Variants in URI1 observed in about 807,000 individuals in gnomAD.
URI1 encodes the protein URI1 prefoldin like chaperone, also known as unconventional prefoldin RPB5 interactor 1.
In URI1, 39 loss-of-function variants were observed where a neutral mutation model predicts 60.2. The observed-to-expected ratio is 0.65, with a 90% CI of 0.50 to 0.85. URI1 has a LOEUF of 0.85. Ranked by LOEUF, URI1 falls within the 40% of genes least tolerant of loss-of-function variation. The pLI, the probability that URI1 is intolerant of heterozygous loss-of-function variation, is 0.00. For missense variants in URI1, 691 were observed against 665.9 expected (o/e 1.04, Z -0.42); for synonymous variants, 251 against 236.8 (o/e 1.06, Z -0.55).
At chr19:29,949,057 CCCCCGCCTCCCGGACGGGGCTTCT>C (rs2055140865) in intron 1 of URI1, among the ~76,000 whole-genome samples, 1 of 143,980 alleles carries the variant, frequency 6.9e-6, no homozygotes, top group African/African-American at 2.6e-5. Context: ...CGGGGGCTGC[CCCCCGCCTCCCGGACGGGGCTTCT>C]GCCGGGCGGA....
intron 8 of URI1, among the ~76,000 whole-genome samples, chr19:30,010,021 A>G (rs930472417): frequency 6.6e-6 from 1 of 152,148 alleles, no homozygotes; most frequent in African/African-American, 2.4e-5. Flanking sequence ...AAGGAAGGAT[A>G]GGCTGCCTTA....
In URI1 at chr19:29,936,712, T is replaced by C. The variant is rs565037230; in HGVS notation, c.63+12958T>C. Among the ~76,000 whole-genome samples, 10 of 152,320 alleles carry C rather than the reference T, an allele frequency of 6.6e-5. No individual in the cohort carries two copies. In the South Asian group the frequency reaches 2.1e-3, roughly 32 times the overall value. On this transcript the variant is annotated intron_variant, in intron 1 of 10. Coordinates refer to the URI1 transcript ENST00000360605. ...CTTCTACTATGCATATGTTGATATA[T>C]GCTTGATGGCATCACATGGATCTAT...
Position 30,012,322 on chromosome 19 carries a change from C to T in URI1, c.1216C>T (p.Arg406Cys), listed in dbSNP as rs768120343. 3.1e-6 allele frequency: 5 copies of T among 1,614,078 alleles called. No individual in the cohort carries two copies. Among genetic ancestry groups the T allele is most frequent in the South Asian group, 1.1e-5 (1 of 91,080 alleles). Reference protein sequence around the residue: ...VDVVNGEYVPRKSILKSRSRE... With the variant: ...VDVVNGEYVPCKSILKSRSRE... ...TGTTGTGAATGGAGAATATGTCCCTCGCAAATCCATCCTGAAGTCTCGAAG... is the reference window on the plus strand; with the variant it reads ...TGTTGTGAATGGAGAATATGTCCCTTGCAAATCCATCCTGAAGTCTCGAAG... Residue 406 changes from arginine to cysteine, a missense_variant, in exon 10 of 11, where the codon CGC (arginine) becomes TGC (cysteine). Physicochemically the swap from Arg to Cys is radical, Grantham distance 180. Coordinates refer to ENST00000392271, the MANE Select transcript of URI1 (RefSeq NM_003796.3).
At chr19:29,928,060 A>C (rs1241309815) in intron 1 of URI1, among the ~76,000 whole-genome samples, 1 of 152,082 alleles carries the variant, frequency 6.6e-6, no homozygotes, top group Non-Finnish European at 1.5e-5. Flanking sequence ...AAGGCCACAT[A>C]CAGGTGATCT....
chr19:30,005,330 C>A, intron 4 of URI1, 31 bp from the exon 5 acceptor site: 1 of 1,306,978 alleles, frequency 7.7e-7, no homozygotes, highest in Non-Finnish European at 1.1e-6. Context: ...ATATGCCATG[C>A]TTTACATAAT....
chr19:29,948,878 C>T (rs1031426106), intron 1 of URI1, among the ~76,000 whole-genome samples: 10 of 152,286 alleles, frequency 6.6e-5, no homozygotes, highest in East Asian at 5.8e-4. Flanking sequence ...GGGGTGGCGG[C>T]CAGGCAGAGG....
At chr19:29,960,580 T>C (rs1395970383) in intron 1 of URI1, among the ~76,000 whole-genome samples, 2 of 152,168 alleles carry the variant, frequency 1.3e-5, no homozygotes. Flanking sequence ...TTAGTATTAG[T>C]ATGGTCACAC....
chr19:29,927,469 C>A (rs2054878454), intron 1 of URI1, among the ~76,000 whole-genome samples: 1 of 150,152 alleles, frequency 6.7e-6, no homozygotes, highest in South Asian at 2.1e-4. Flanking sequence ...ACCATATTGG[C>A]CAGGCTGGTT....
intron 1 of URI1, among the ~76,000 whole-genome samples, chr19:29,968,035 ACTC>A (rs1363372208): frequency 6.6e-6 from 1 of 151,968 alleles, no homozygotes; most frequent in Non-Finnish European, 1.5e-5. Context: ...GTTGGTAAAG[ACTC>A]CTAAATAGTG....
intron 1 of URI1, among the ~76,000 whole-genome samples, chr19:29,925,085 C>T (rs1345663963): frequency 6.6e-6 from 1 of 152,226 alleles, no homozygotes; most frequent in Non-Finnish European, 1.5e-5. Context: ...ATCCCCCTGC[C>T]TTGGCCTCCC....
intron 4 of URI1, among the ~76,000 whole-genome samples, chr19:30,001,685 A>G (rs960799430): frequency 6.6e-6 from 1 of 151,910 alleles, no homozygotes; most frequent in African/African-American, 2.4e-5. Flanking sequence ...GATATCCCAG[A>G]TCGACTTGTA....
intron 1 of URI1, among the ~76,000 whole-genome samples, chr19:29,962,901 T>C (rs1400562396): frequency 6.6e-6 from 1 of 152,172 alleles, no homozygotes; most frequent in African/African-American, 2.4e-5. Context: ...TTTCAGTTAT[T>C]TTTTCCAGCA....
rs2055982558 is a variant in URI1, at chr19:30,009,131, T to C, written c.813T>C (p.Asp271=). Residue 271 remains aspartate, a synonymous_variant, in exon 8 of 11, where the codon GAT becomes GAC. Coordinates refer to ENST00000392271, the MANE Select transcript of URI1 (RefSeq NM_003796.3). ...ACTCTCATACTCCTTGTCATAAGGATGTTGCAAGTTCAGAACCATTCAGTG... is the reference window on the plus strand; with the variant it reads ...ACTCTCATACTCCTTGTCATAAGGACGTTGCAAGTTCAGAACCATTCAGTG... ...VTDSHTPCHK[D]VASSEPFSGQ... 6.2e-7 allele frequency: 1 copy of C among 1,613,954 alleles called. No individual in the cohort carries two copies. Among genetic ancestry groups the C allele is most frequent in the Non-Finnish European group, 8.5e-7 (1 of 1,179,998 alleles).
At chr19:29,996,771 G>A (rs1335565388) in intron 4 of URI1, among the ~76,000 whole-genome samples, 1 of 151,716 alleles carries the variant, frequency 6.6e-6, no homozygotes. Flanking sequence ...TGTTATGGAA[G>A]TTCCCTTCTG....
intron 1 of URI1, among the ~76,000 whole-genome samples, chr19:29,954,024 G>T (rs910351337): frequency 6.6e-6 from 1 of 152,134 alleles, no homozygotes; most frequent in African/African-American, 2.4e-5. Flanking sequence ...CTGATACTTT[G>T]AATTCAAATC....
chr19:30,002,211 A>G (rs16963613), intron 4 of URI1, among the ~76,000 whole-genome samples: 2,637 of 152,122 alleles, frequency 0.017, 77 homozygotes, highest in African/African-American at 0.058. Context: ...AATAATTTTT[A>G]TTACATCTGC....
At chr19:29,971,159 T>G in intron 1 of URI1, 34 bp from the exon 2 acceptor site, 3 of 1,610,080 alleles carry the variant, frequency 1.9e-6, no homozygotes, top group Non-Finnish European at 2.5e-6. Context: ...CATAGCTCTG[T>G]TTTTTCATGA....
At chr19:29,971,906 T>A (rs1255791393) in intron 2 of URI1, among the ~76,000 whole-genome samples, 2 of 152,080 alleles carry the variant, frequency 1.3e-5, no homozygotes, top group African/African-American at 4.8e-5. Context: ...ACGAAGGTTT[T>A]ACTGAGAGAA....
chr19:29,953,123 G>A (rs1364806340), intron 1 of URI1, among the ~76,000 whole-genome samples: 5 of 152,184 alleles, frequency 3.3e-5, no homozygotes, highest in African/African-American at 1.2e-4. Flanking sequence ...CTCATAATCT[G>A]AGATTTAATT....
Sources: allele counts gnomAD v4.1 joint callset (sites outside exome capture counted in the v4.1 genomes callset), GRCh38; gene constraint gnomAD v4.1.1; transcripts MANE v1.5; gene names NCBI Gene and HGNC (gene_info 2026-07-23, HGNC 2026-07-21).